Variants in EIF4EBP1 observed in about 807,000 individuals in gnomAD.
EIF4EBP1 encodes the protein eukaryotic translation initiation factor 4E binding protein 1.
A neutral mutation model predicts 9.2 loss-of-function variants in EIF4EBP1; 5 were observed. The ratio of observed to expected loss-of-function variants is 0.54; its 90% CI spans 0.28 to 1.14. The LOEUF is 1.14. Ranked by LOEUF, EIF4EBP1 falls within the 50% of genes most tolerant of loss-of-function variation. The pLI is 0.09. For missense variants in EIF4EBP1, 139 were observed against 169.6 expected (o/e 0.82, Z 1.00); for synonymous variants, 62 against 67.0 (o/e 0.93, Z 0.36).
chr8:38,033,062 C>CTTTTTTTTTTTTTTTT (rs765781155), intron 1 of EIF4EBP1, among the ~76,000 whole-genome samples: 1 of 125,464 alleles, frequency 8.0e-6, no homozygotes, highest in Non-Finnish European at 1.7e-5. Context: ...TTCTTTCTTT[C>CTTTTTTTTTTTTTTTT]TTTTTTTTTT....
Position 38,048,653 on chromosome 8 carries a change from C to T in EIF4EBP1, c.146-8428C>T, listed in dbSNP as rs999931722. The stretch of plus-strand genomic sequence containing the variant: ...AGCCCTAGTCTTTCTATAATTTTGG[C>T]AGAACACATCTTACTGTATTCTTTC... On this transcript the variant is annotated intron_variant, in intron 1 of 2. Coordinates refer to ENST00000338825, the MANE Select transcript of EIF4EBP1 (RefSeq NM_004095.4). Among the ~76,000 whole-genome samples, 3 of 152,136 alleles carry T rather than the reference C, an allele frequency of 2.0e-5. No homozygotes were observed. The East Asian group carries it at 5.8e-4, about 29-fold the overall frequency.
chr8:38,030,803 C>A, intron 1 of EIF4EBP1, 85 bp downstream of exon 1: 1 of 1,361,356 alleles, frequency 7.3e-7, no homozygotes, highest in Non-Finnish European at 9.4e-7. Context: ...GGTGTCCAGG[C>A]TCAAGGGCGC....
At chr8:38,059,079 G>A (rs1809634651) in intron 2 of EIF4EBP1, among the ~76,000 whole-genome samples, 1 of 151,434 alleles carries the variant, frequency 6.6e-6, no homozygotes, top group African/African-American at 2.5e-5. Context: ...GTGAGACCCT[G>A]TCTCTAAAGA....
chr8:38,036,311 C>T (rs567494149), intron 1 of EIF4EBP1, among the ~76,000 whole-genome samples: 25 of 151,990 alleles, frequency 1.6e-4, no homozygotes, highest in Admixed American at 1.4e-3. Flanking sequence ...GAGTTCAAGA[C>T]CAGCTTGGCC....
chr8:38,036,242 G>A (rs890113296), intron 1 of EIF4EBP1, among the ~76,000 whole-genome samples: 1 of 152,060 alleles, frequency 6.6e-6, no homozygotes, highest in Non-Finnish European at 1.5e-5. Flanking sequence ...GGCCAGGTGC[G>A]ATGGCTCACA....
At chr8:38,046,182 C>T (rs1284404174) in intron 1 of EIF4EBP1, among the ~76,000 whole-genome samples, 1 of 152,054 alleles carries the variant, frequency 6.6e-6, no homozygotes, top group Non-Finnish European at 1.5e-5. Flanking sequence ...GGATTACAGG[C>T]GTGAGCTTCC....
In EIF4EBP1 at chr8:38,060,007, G is replaced by A; in HGVS notation, c.*72G>A. ...TTCCTGGGAGGAGTCCCACCAGCCAGGCCTTATGAAAGTGATCATACTGGG... is the reference window on the plus strand; with the variant it reads ...TTCCTGGGAGGAGTCCCACCAGCCAAGCCTTATGAAAGTGATCATACTGGG... On this transcript the variant is annotated 3_prime_UTR_variant, in exon 3 of 3. Transcript: ENST00000338825. 1 of 1,487,434 alleles carries A rather than the reference G, an allele frequency of 6.7e-7. No individual in the cohort carries two copies. Among genetic ancestry groups the A allele is most frequent in the Non-Finnish European group, 9.4e-7 (1 of 1,064,814 alleles). 92.1% of individuals were successfully genotyped at this position (1,487,434 alleles called of 1,614,324 possible).
intron 1 of EIF4EBP1, among the ~76,000 whole-genome samples, chr8:38,051,757 C>G (rs746461873): frequency 2.0e-5 from 3 of 152,002 alleles, no homozygotes; most frequent in Non-Finnish European, 4.4e-5. Context: ...CCACCATGCC[C>G]GGCTAATTTT....
At chr8:38,034,834 A>T (rs1026995424) in intron 1 of EIF4EBP1, among the ~76,000 whole-genome samples, 1 of 152,242 alleles carries the variant, frequency 6.6e-6, no homozygotes, top group African/African-American at 2.4e-5. Context: ...AGCACAGCCC[A>T]TGTCCTGAGG....
At chr8:38,059,776 CAA>C (rs1056124506) in intron 2 of EIF4EBP1, 126 bp from the exon 3 acceptor site, 1 of 856,986 alleles carries the variant, frequency 1.2e-6, no homozygotes, top group East Asian at 2.9e-5. Flanking sequence ...AACAAAAAAA[CAA>C]AAAAAAACTT....
intron 1 of EIF4EBP1, among the ~76,000 whole-genome samples, chr8:38,043,350 T>C (rs946004131): frequency 6.6e-6 from 1 of 151,476 alleles, no homozygotes; most frequent in Non-Finnish European, 1.5e-5. Context: ...AATTTTCTTT[T>C]CTTTTCTTTT....
intron 1 of EIF4EBP1, 152 bp downstream of exon 1, chr8:38,030,870 G>C: frequency 4.2e-6 from 5 of 1,181,710 alleles, no homozygotes; most frequent in Non-Finnish European, 5.5e-6. Context: ...TCATGGAAGT[G>C]GCCGCCCGCT....
intron 1 of EIF4EBP1, among the ~76,000 whole-genome samples, chr8:38,036,282 G>A (rs781401243): frequency 3.9e-5 from 6 of 152,000 alleles, no homozygotes; most frequent in Non-Finnish European, 7.4e-5. Context: ...GGGAGGCTAA[G>A]CAGATCACCT....
chr8:38,039,094 A>G (rs1428548273), intron 1 of EIF4EBP1, among the ~76,000 whole-genome samples: 2 of 151,564 alleles, frequency 1.3e-5, no homozygotes, highest in African/African-American at 4.8e-5. Context: ...GTTTCTCTAT[A>G]TTGGTCAGGC....
chr8:38,030,782 G>A (rs911786746), intron 1 of EIF4EBP1, 64 bp downstream of exon 1: 2 of 1,372,518 alleles, frequency 1.5e-6, no homozygotes, highest in Non-Finnish European at 1.9e-6. Context: ...CGGGAATCGC[G>A]GATTGGACCG....
chr8:38,059,131 T>C (rs1809635439), intron 2 of EIF4EBP1, among the ~76,000 whole-genome samples: 2 of 152,144 alleles, frequency 1.3e-5, no homozygotes, highest in Non-Finnish European at 2.9e-5. Flanking sequence ...TGATATAGTC[T>C]GGATATTTGT....
At chr8:38,038,326 G>C (rs1009806109) in intron 1 of EIF4EBP1, among the ~76,000 whole-genome samples, 1 of 151,262 alleles carries the variant, frequency 6.6e-6, no homozygotes, top group East Asian at 2.1e-4. Context: ...GGCTAACATG[G>C]TGAAACCCCG....
intron 1 of EIF4EBP1, among the ~76,000 whole-genome samples, chr8:38,048,829 A>G (rs1809478998): frequency 1.3e-5 from 2 of 151,916 alleles, no homozygotes; most frequent in Admixed American, 6.6e-5. Context: ...ATTTGATTTA[A>G]TTTAAAGAAA....
chr8:38,041,486 C>T (rs1809378889), intron 1 of EIF4EBP1, among the ~76,000 whole-genome samples: 1 of 152,192 alleles, frequency 6.6e-6, no homozygotes, highest in Non-Finnish European at 1.5e-5. Flanking sequence ...TCGAATAATC[C>T]TCCACAAGGG....
Sources: allele counts gnomAD v4.1 joint callset (sites outside exome capture counted in the v4.1 genomes callset), GRCh38; gene constraint gnomAD v4.1.1; transcripts MANE v1.5; gene names NCBI Gene and HGNC (gene_info 2026-07-23, HGNC 2026-07-21).